PIEZO2: variants seen among roughly 807,000 people sequenced by gnomAD.
The protein encoded by PIEZO2 is piezo type mechanosensitive ion channel component 2.
A neutral mutation model predicts 337.3 loss-of-function variants in PIEZO2; 172 were observed. The observed-to-expected ratio is 0.51, with a 90% CI of 0.45 to 0.58. The LOEUF (loss-of-function observed/expected upper bound fraction) is 0.58. Ranked by LOEUF, PIEZO2 falls within the 20% of genes least tolerant of loss-of-function variation. The pLI is 0.00. For missense variants in PIEZO2, 3,028 were observed against 3,391.3 expected (o/e 0.89, Z 2.66); for synonymous variants, 1,251 against 1,228.5 (o/e 1.02, Z -0.38).
At chr18:10,849,200 C>T (rs778500889) in intron 7 of PIEZO2, among the ~76,000 whole-genome samples, 1 of 152,060 alleles carries the variant, frequency 6.6e-6, no homozygotes. Context: ...TCAGTGGAGA[C>T]GGGGTTTTGC....
chr18:10,797,605 T>C lies in PIEZO2; in HGVS notation c.1379-83A>G. ...TGTTCCAAGCAATGCAGCACATGTA[T>C]GGTTTTGGTATAGCCTTTTATTTAA... On this transcript the variant is annotated intron_variant, in intron 11 of 55. Transcript: ENST00000674853. 2.7e-6 allele frequency: 4 copies of C among 1,496,252 alleles called. No individual in the cohort carries two copies. The South Asian group carries it at 4.0e-5, about 15-fold the overall frequency. The allele number at this position is 1,496,252 out of a possible 1,614,324, so 92.7% of individuals were successfully genotyped here. A position where few individuals can be genotyped will look rare whatever the true frequency, so the allele number is the denominator to read the frequency against.
At chr18:10,867,328 TCA>T (rs1488426568) in intron 5 of PIEZO2, among the ~76,000 whole-genome samples, 1 of 152,200 alleles carries the variant, frequency 6.6e-6, no homozygotes, top group African/African-American at 2.4e-5. Context: ...AACTTGAACC[TCA>T]GAGTTGAGAC....
intron 2 of PIEZO2, among the ~76,000 whole-genome samples, chr18:11,013,442 T>A (rs1028860230): frequency 3.9e-5 from 6 of 152,246 alleles, no homozygotes; most frequent in African/African-American, 1.4e-4. Context: ...ACATTTGTAT[T>A]GTCTTAAGCC....
At chr18:10,892,912 T>C (rs2042796790) in intron 4 of PIEZO2, among the ~76,000 whole-genome samples, 1 of 152,234 alleles carries the variant, frequency 6.6e-6, no homozygotes, top group African/African-American at 2.4e-5. Context: ...GTAGGCATTG[T>C]TTTCTGACAT....
chr18:10,919,340 A>T (rs1353305799), intron 3 of PIEZO2, among the ~76,000 whole-genome samples: 1 of 152,172 alleles, frequency 6.6e-6, no homozygotes, highest in East Asian at 1.9e-4. Flanking sequence ...ATGAATGTTT[A>T]TCATGATTAA....
At position 10,830,693 on chromosome 18, in the gene PIEZO2, T is replaced by C. The variant is rs886545785; in HGVS notation, c.918-23419A>G. Reference sequence around the variant, plus strand: ...AATGAGCAAATGGAATCACATCAGATTGAAACGCTTCTGAACGGCAAAGGA... The same window carrying C: ...AATGAGCAAATGGAATCACATCAGACTGAAACGCTTCTGAACGGCAAAGGA... On this transcript the variant is annotated intron_variant, in intron 7 of 55. Transcript: ENST00000674853. This position sits in a 1 kb window ranked among gnomAD's most constrained non-coding sequence, Gnocchi z 4.7. Among the ~76,000 whole-genome samples the C allele has an allele frequency of 4.6e-5, 7 of 152,110 alleles. No individual in the cohort carries two copies.
In PIEZO2 at chr18:10,713,910, C is replaced by T. The variant is rs1319454294; in HGVS notation, c.5423+854G>A. On this transcript the variant is annotated intron_variant, in intron 39 of 55. Transcript: ENST00000674853. This position sits in a 1 kb window ranked among gnomAD's most constrained non-coding sequence, Gnocchi z 4.5. ...TCTAGCTCTGTACAATTGTTATCAGCTATCTAGAACACTGTGATGCAAAGA... is the reference window on the plus strand; with the variant it reads ...TCTAGCTCTGTACAATTGTTATCAGTTATCTAGAACACTGTGATGCAAAGA... 6.6e-6 allele frequency among the ~76,000 whole-genome samples: 1 copy of T among 151,310 alleles called. No individual in the cohort carries two copies. Among genetic ancestry groups the T allele is most frequent in the African/African-American group, 2.4e-5 (1 of 40,984 alleles).
chr18:10,950,145 A>T (rs2145308458), intron 3 of PIEZO2, among the ~76,000 whole-genome samples: 1 of 152,350 alleles, frequency 6.6e-6, no homozygotes, highest in South Asian at 2.1e-4. Context: ...TAATATTGAA[A>T]ATAAATTATG....
intron 7 of PIEZO2, among the ~76,000 whole-genome samples, chr18:10,838,387 T>C (rs571461449): frequency 6.6e-6 from 1 of 152,368 alleles, no homozygotes; most frequent in East Asian, 1.9e-4. Context: ...TCACACTACA[T>C]TGTTTTTTCA....
In PIEZO2 at chr18:11,132,159, T is replaced by TA. The variant is rs1167021022; in HGVS notation, c.64+16365dup. 1.3e-5 allele frequency among the ~76,000 whole-genome samples: 2 copies of TA among 152,220 alleles called. No homozygotes were observed. Among genetic ancestry groups the TA allele is most frequent in the African/African-American group, 4.8e-5 (2 of 41,450 alleles). On this transcript the variant is annotated intron_variant, in intron 1 of 55. Transcript: ENST00000674853. This position sits in a 1 kb window ranked among gnomAD's most constrained non-coding sequence, Gnocchi z 4.7. ...ATTTGTTCTCACTGGAATAGACACTTACTCTGTATATAGGTTTGCCTGTCC... is the reference window on the plus strand; with the variant it reads ...ATTTGTTCTCACTGGAATAGACACTTAACTCTGTATATAGGTTTGCCTGTCC...
chr18:10,801,664 A>ACCACAC (rs10684713), intron 9 of PIEZO2, among the ~76,000 whole-genome samples: 1 of 151,614 alleles, frequency 6.6e-6, no homozygotes, highest in Non-Finnish European at 1.5e-5. Context: ...CAGATAAGCA[A>ACCACAC]GTCTATAAAT....
At chr18:10,804,234 C>T (rs575556619) in intron 8 of PIEZO2, among the ~76,000 whole-genome samples, 16 of 152,242 alleles carry the variant, frequency 1.1e-4, no homozygotes, top group Non-Finnish European at 2.2e-4. Context: ...ACAGAATATG[C>T]TCCATTGTTA....
Position 10,794,195 on chromosome 18 carries a change from A to G in PIEZO2, c.1758+577T>C, listed in dbSNP as rs1052945010. 6.6e-6 allele frequency among the ~76,000 whole-genome samples: 1 copy of G among 152,150 alleles called. No individual in the cohort carries two copies. The highest frequency in any genetic ancestry group is 1.5e-5 in the Non-Finnish European group (1 of 68,034). Reference sequence around the variant, plus strand: ...TTGGGAAACCTAATCTTTTGAAATAAAACTGTTAAAATGGCCCATGAAAGC... The same window carrying G: ...TTGGGAAACCTAATCTTTTGAAATAGAACTGTTAAAATGGCCCATGAAAGC... On this transcript the variant is annotated intron_variant, in intron 13 of 55. Transcript: ENST00000674853. The surrounding 1 kb of genome is among the most constrained non-coding windows in gnomAD (Gnocchi z 6.6).
intron 11 of PIEZO2, among the ~76,000 whole-genome samples, chr18:10,798,381 A>G (rs1348757478): frequency 1.3e-5 from 2 of 152,242 alleles, no homozygotes; most frequent in Non-Finnish European, 2.9e-5. Flanking sequence ...GTGACTGTGC[A>G]TACTACTCCA....
At chr18:10,887,095 A>G (rs1301437311) in intron 4 of PIEZO2, among the ~76,000 whole-genome samples, 10 of 138,010 alleles carry the variant, frequency 7.2e-5, no homozygotes, top group Middle Eastern at 3.6e-3. Context: ...TTTGAGACAG[A>G]GTCTCGCTGT....
intron 2 of PIEZO2, among the ~76,000 whole-genome samples, chr18:10,999,673 T>G (rs932926485): frequency 1.3e-5 from 2 of 152,296 alleles, no homozygotes; most frequent in South Asian, 2.1e-4. Context: ...CAATCACCCA[T>G]GAATACTAAG....
Position 11,144,264 on chromosome 18 carries a change from G to A in PIEZO2, c.64+4261C>T, listed in dbSNP as rs545813948. On this transcript the variant is annotated intron_variant, in intron 1 of 55. Coordinates refer to ENST00000674853, the MANE Select transcript of PIEZO2 (RefSeq NM_001378183.1). Reference sequence around the variant, plus strand: ...ATGAAATATTTTATTTTAGAAATAAGCTCTAAATTTCCAATCCTTTCCACT... The same window carrying A: ...ATGAAATATTTTATTTTAGAAATAAACTCTAAATTTCCAATCCTTTCCACT... 2.6e-5 allele frequency among the ~76,000 whole-genome samples: 4 copies of A among 152,322 alleles called. No individual in the cohort carries two copies. The East Asian group carries it at 7.7e-4, about 29-fold the overall frequency.
Position 10,979,581 on chromosome 18 carries a change from C to A in PIEZO2, c.240G>T (p.Thr80=), listed in dbSNP as rs376427770. The A allele has an allele frequency of 5.2e-6, 8 of 1,535,692 alleles. No homozygotes were observed. The change falls in exon 3 of 56, where the codon ACG becomes ACT. Residue 80 remains threonine, a synonymous_variant. Transcript: ENST00000674853. This position sits in a 1 kb window ranked among gnomAD's most constrained non-coding sequence, Gnocchi z 4.0. ...GATGTTGAGCTTCAAGGCTCACCAA[C>A]GTGATGTGGAAAATGATGTGCAGCA... is the stretch of plus-strand genomic sequence containing the variant. ...FLLLHIIFHI[T]LVSLEAQHRI... is the part of the protein sequence containing the mutation.
intron 3 of PIEZO2, among the ~76,000 whole-genome samples, chr18:10,939,083 A>AC (rs199945617): frequency 0.016 from 2,375 of 149,812 alleles, 64 homozygotes; most frequent in African/African-American, 0.053. Context: ...ACAAAACAAA[A>AC]AAAAAATGTA....
Sources: gnomAD v4.1 joint callset for allele counts (sites outside exome capture counted in the v4.1 genomes callset) on GRCh38, gnomAD v4.1.1 for gene constraint, Gnocchi (gnomAD v3.1) non-coding constraint, MANE v1.5 for transcripts, NCBI Gene and HGNC (gene_info 2026-07-23, HGNC 2026-07-21) for gene names.